The following APC variants were observed in gnomAD, a reference collection of about 807,000 sequenced individuals.
APC encodes adenomatous polyposis coli protein.
Under a neutral mutation model 247.0 loss-of-function variants are expected in APC, and 72 were observed. The ratio of observed to expected loss-of-function variants is 0.29; its 90% confidence interval spans 0.24 to 0.35. The LOEUF (loss-of-function observed/expected upper bound fraction) is 0.35, where lower values mean the gene tolerates loss of function less well. APC is among the 10% of genes least tolerant of loss of function. The pLI is 1.00. For synonymous variants in APC, 1,254 were observed against 1,162.5 expected (o/e 1.08, Z -1.60); for missense variants, 3,400 against 3,360.7 (o/e 1.01, Z -0.29).
rs534502949 is a variant in APC, at chr5:112,828,601, C to T, written c.1627-255C>T. Among the ~76,000 whole-genome samples, 4 of 152,108 alleles carry T rather than the reference C, an allele frequency of 2.6e-5. No homozygotes were observed. The South Asian group carries it at 8.3e-4, about 32-fold the overall frequency. On this transcript the variant is annotated intron_variant, in intron 13 of 15. Transcript: ENST00000257430. ...CTAGAACTACTGCAGGCGCATGCCA[C>T]CATGCCCAGCTAATTTTTAAAAAGT...
chr5:112,780,846 C>A lies in APC; in HGVS notation c.588C>A (p.Ile196=), dbSNP rs147846364. 6.2e-7 allele frequency: 1 copy of A among 1,613,496 alleles called. No individual in the cohort carries two copies. Among genetic ancestry groups the A allele is most frequent in the Non-Finnish European group, 8.5e-7 (1 of 1,179,624 alleles). Residue 196 remains isoleucine (I), a synonymous_variant, in exon 6 of 16, where the codon ATC becomes ATA. Coordinates refer to ENST00000257430, the MANE Select transcript of APC (RefSeq NM_000038.6). The part of the protein sequence containing the change: ...RRQLEYEARQ[I]RVAMEEQLGT... ...AATTGGAATATGAAGCAAGGCAAAT[C>A]AGAGTTGCGATGGAAGAACAACTAG...
chr5:112,719,216 T>A lies in APC; in HGVS notation c.165+11334T>A, dbSNP rs7726765. The stretch of plus-strand genomic sequence containing the variant: ...CATTTTCATTCTTTCCTTCTTTACT[T>A]CTTCTTTCTTTTCTTTCTTTGGACA... On this transcript the variant is annotated intron_variant, in intron 1 of 13. Coordinates refer to the APC transcript ENST00000507379. Among the ~76,000 whole-genome samples the A allele has an allele frequency of 4.4e-3, 667 of 152,180 alleles. 6 individuals are homozygous for A. The highest frequency in any genetic ancestry group is 0.016 in the African/African-American group (644 of 41,474).
At chr5:112,812,326 A>G (rs1405560341) in intron 8 of APC, among the ~76,000 whole-genome samples, 1 of 152,194 alleles carries the variant, frequency 6.6e-6, no homozygotes, top group Non-Finnish European at 1.5e-5. Context: ...TTTCCCTTCT[A>G]TAGACCAAGA....
rs1184225995 is a variant in APC at position 112,740,966 on chromosome 5, C to G, written c.-19+3041C>G. 2.0e-5 allele frequency among the ~76,000 whole-genome samples: 3 copies of G among 152,134 alleles called. No homozygotes were observed. The East Asian group carries it at 5.8e-4, about 29-fold the overall frequency. On this transcript the variant is annotated intron_variant, in intron 1 of 15. Transcript: ENST00000257430. ...TTATACTTGTATATGTTTAAATGTTCTCTTCAATTTTGATCTCCCTTCTCC... is the reference window on the plus strand; with the variant it reads ...TTATACTTGTATATGTTTAAATGTTGTCTTCAATTTTGATCTCCCTTCTCC...
intron 1 of APC, among the ~76,000 whole-genome samples, chr5:112,724,280 C>T (rs1751646331): frequency 6.6e-6 from 1 of 151,826 alleles, no homozygotes; most frequent in East Asian, 1.9e-4. Context: ...TGTTCAGAAG[C>T]TCATAGTCTA....
At chr5:112,781,763 AT>A (rs571711088) in intron 6 of APC, among the ~76,000 whole-genome samples, 3,585 of 143,214 alleles carry the variant, frequency 0.025, 93 homozygotes, top group African/African-American at 0.071. Context: ...AAACATAATG[AT>A]TTTTTTTTTT....
rs2149947699 is a variant in APC, at chr5:112,841,325, C to G, written c.5731C>G (p.Gln1911Glu). The G allele has an allele frequency of 6.2e-7, 1 of 1,613,942 alleles. No homozygotes were observed. The highest frequency in any genetic ancestry group is 2.2e-5 in the East Asian group (1 of 44,864). The change falls in exon 16 of 16, where the codon CAA becomes GAA. Residue 1911 changes from glutamine to glutamate, a missense_variant. Transcript: ENST00000257430. This position sits in a 1 kb window ranked among gnomAD's most constrained non-coding sequence, Gnocchi z 4.6. ...TSNQQSANKT[Q>E]AIAKQPINRG... ...CAACCAACAATCAGCTAATAAGACA[C>G]AAGCTATTGCAAAGCAGCCAATAAA...
chr5:112,801,620 C>A (rs1170683984), intron 8 of APC, among the ~76,000 whole-genome samples: 1 of 151,804 alleles, frequency 6.6e-6, no homozygotes, highest in South Asian at 2.1e-4. Context: ...ATGTTTTAGT[C>A]TAAAATGATT....
intron 5 of APC, 53 bp downstream of exon 5, chr5:112,775,790 A>G: frequency 4.1e-6 from 4 of 985,540 alleles, no homozygotes; most frequent in Non-Finnish European, 6.3e-6. Flanking sequence ...TTGATATTTT[A>G]AAGTACCTAG....
intron 2 of APC, among the ~76,000 whole-genome samples, chr5:112,765,667 C>T (rs1318121333): frequency 6.6e-6 from 1 of 150,718 alleles, no homozygotes; most frequent in Non-Finnish European, 1.5e-5. Context: ...AAGTAGCATG[C>T]AATAAGAGCC....
chr5:112,766,548 G>A (rs898671334), intron 3 of APC, 138 bp downstream of exon 3: 23 of 625,220 alleles, frequency 3.7e-5, no homozygotes, highest in Non-Finnish European at 6.0e-5. Context: ...CCCTCAGGAT[G>A]TAATTGTTAA....
intron 1 of APC, chr5:112,738,472 C>T (rs1752593983): frequency 2.0e-6 from 2 of 985,758 alleles, no homozygotes; most frequent in Non-Finnish European, 2.4e-6. Context: ...TACTGCAGAG[C>T]GTGAGTGGTG....
intron 5 of APC, among the ~76,000 whole-genome samples, chr5:112,778,813 G>T (rs953898871): frequency 2.6e-5 from 4 of 152,090 alleles, no homozygotes; most frequent in African/African-American, 9.7e-5. Flanking sequence ...AAAGTGTTGG[G>T]ATTACAGGTG....
chr5:112,758,815 C>T lies in APC; in HGVS notation c.135+3790C>T, dbSNP rs887740913. Among the ~76,000 whole-genome samples the T allele has an allele frequency of 3.3e-5, 5 of 151,930 alleles. No homozygotes were observed. In the East Asian group the frequency reaches 9.7e-4, roughly 29 times the overall value. On this transcript the variant is annotated intron_variant, in intron 2 of 15. Coordinates refer to ENST00000257430, the MANE Select transcript of APC (RefSeq NM_000038.6). The stretch of plus-strand genomic sequence containing the variant: ...ACGGAGTTTTGCCATGTTTGCCAGG[C>T]TGGTCTCAAACTCCTGACCTCAGGT...
intron 6 of APC, among the ~76,000 whole-genome samples, chr5:112,790,918 T>C (rs1759511546): frequency 6.6e-6 from 1 of 152,148 alleles, no homozygotes; most frequent in Admixed American, 6.6e-5. Context: ...ACACACCCCT[T>C]ATTGAAACAG....
rs1007141707 is a variant in APC, at chr5:112,844,153, A to G, written c.*27A>G. 1 of 1,583,610 alleles carries G rather than the reference A, an allele frequency of 6.3e-7. No homozygotes were observed. The highest frequency in any genetic ancestry group is 1.1e-5 in the South Asian group (1 of 90,036). On this transcript the variant is annotated 3_prime_UTR_variant, in exon 16 of 16. Transcript: ENST00000257430. ...AGAGAGGAAGAATGAAACTAAGAAA[A>G]TTCTATGTTAATTACAACTGCTATA...
intron 10 of APC, 70 bp from the exon 11 acceptor site, chr5:112,821,826 T>C: frequency 7.9e-7 from 1 of 1,259,882 alleles, no homozygotes; most frequent in Admixed American, 1.7e-5. Context: ...TGCATATTTT[T>C]AAAGTACAAT....
At chr5:112,713,532 T>C (rs1750983584) in intron 1 of APC, among the ~76,000 whole-genome samples, 1 of 152,152 alleles carries the variant, frequency 6.6e-6, no homozygotes, top group Non-Finnish European at 1.5e-5. Context: ...GGTAAGCAAA[T>C]GGCTGATTAG....
chr5:112,737,668 G>T (rs369319322), upstream of APC, among the ~76,000 whole-genome samples: 33 of 152,358 alleles, frequency 2.2e-4, no homozygotes, highest in African/African-American at 6.5e-4. Flanking sequence ...GCATACCCCC[G>T]AGGGGTACGG....
Sources: allele counts gnomAD v4.1 joint callset (sites outside exome capture counted in the v4.1 genomes callset), GRCh38; gene constraint gnomAD v4.1.1; non-coding constraint Gnocchi (gnomAD v3.1); transcripts MANE v1.5; gene names NCBI Gene and HGNC (gene_info 2026-07-23, HGNC 2026-07-21).